Variants in LRRK2 observed in about 807,000 individuals in gnomAD.
LRRK2 encodes the protein leucine-rich repeat serine/threonine-protein kinase 2.
In LRRK2, 203 loss-of-function variants were observed where a neutral mutation model predicts 302.6. That is an observed-to-expected ratio of 0.67 (90% CI 0.60 to 0.75). LRRK2 has a LOEUF of 0.75. Among genes scored for constraint, LRRK2 ranks in the 30% least tolerant of loss-of-function variants. The probability of loss-of-function intolerance (pLI) is 0.00; values close to 1 mark genes in which losing one functional copy is unlikely to be tolerated. For synonymous variants in LRRK2, 1,066 were observed against 1,031.9 expected (o/e 1.03, Z -0.63); for missense variants, 2,830 against 2,951.0 (o/e 0.96, Z 0.95).
chr12:40,266,541 T>G lies in LRRK2; in HGVS notation c.1656+2640T>G, dbSNP rs1196964546. Among the ~76,000 whole-genome samples the G allele has an allele frequency of 5.9e-5, 9 of 152,254 alleles. No individual in the cohort carries two copies. In the South Asian group the frequency reaches 1.7e-3, roughly 28 times the overall value. ...GGATGTGGAGAAATAGGAACACTTTTACACTGTTGGTGGGACTGTAAACTA... is the reference window on the plus strand; with the variant it reads ...GGATGTGGAGAAATAGGAACACTTTGACACTGTTGGTGGGACTGTAAACTA... On this transcript the variant is annotated intron_variant, in intron 14 of 50. Coordinates refer to ENST00000298910, the MANE Select transcript of LRRK2 (RefSeq NM_198578.4).
intron 38 of LRRK2, among the ~76,000 whole-genome samples, chr12:40,323,709 C>T (rs915256917): frequency 6.6e-6 from 1 of 151,862 alleles, no homozygotes; most frequent in African/African-American, 2.4e-5. Context: ...TTTTATGACT[C>T]AGTGTGACAA....
At chr12:40,257,548 T>C (rs1448702633) in intron 12 of LRRK2, among the ~76,000 whole-genome samples, 171 bp downstream of exon 12, 1 of 152,202 alleles carries the variant, frequency 6.6e-6, no homozygotes, top group African/African-American at 2.4e-5. Flanking sequence ...ACTTACTTTA[T>C]CTGAACACTG....
chr12:40,295,076 T>C (rs1016784082), intron 22 of LRRK2, among the ~76,000 whole-genome samples, 162 bp downstream of exon 22: 4 of 152,092 alleles, frequency 2.6e-5, no homozygotes, highest in Admixed American at 1.3e-4. Context: ...TATAGAAAAA[T>C]GAAACATACA....
At chr12:40,238,770 G>A (rs575985751) in intron 5 of LRRK2, among the ~76,000 whole-genome samples, 1 of 152,188 alleles carries the variant, frequency 6.6e-6, no homozygotes, top group African/African-American at 2.4e-5. Context: ...AATGATTTAT[G>A]TGGGCCCTGT....
intron 2 of LRRK2, among the ~76,000 whole-genome samples, chr12:40,230,917 G>A (rs900802730): frequency 5.9e-5 from 9 of 151,926 alleles, no homozygotes; most frequent in South Asian, 4.2e-4. Flanking sequence ...ATTTTATTTC[G>A]AAATGTGAAA....
At chr12:40,275,766 A>G (rs1421234024) in intron 16 of LRRK2, among the ~76,000 whole-genome samples, 2 of 151,934 alleles carry the variant, frequency 1.3e-5, no homozygotes, top group Non-Finnish European at 2.9e-5. Context: ...ATGCACTCCC[A>G]TGCCTGGCTA....
intron 39 of LRRK2, among the ~76,000 whole-genome samples, chr12:40,329,265 T>C (rs1414448782): frequency 2.0e-5 from 3 of 152,234 alleles, no homozygotes; most frequent in Non-Finnish European, 4.4e-5. Context: ...CCTGATATAG[T>C]AACAATTATA....
intron 12 of LRRK2, among the ~76,000 whole-genome samples, chr12:40,257,812 A>G (rs997495298): frequency 2.6e-5 from 4 of 152,248 alleles, no homozygotes; most frequent in African/African-American, 9.6e-5. Context: ...TAGTTAGGGA[A>G]AATTTTAACT....
At chr12:40,319,421 G>C (rs1269862364) in intron 33 of LRRK2, among the ~76,000 whole-genome samples, 2 of 151,844 alleles carry the variant, frequency 1.3e-5, no homozygotes, top group Non-Finnish European at 2.9e-5. Context: ...TAGAAACATC[G>C]GGGTTGCTCT....
chr12:40,272,555 AT>A (rs1414741199), intron 14 of LRRK2, among the ~76,000 whole-genome samples: 1 of 152,124 alleles, frequency 6.6e-6, no homozygotes, highest in East Asian at 1.9e-4. Flanking sequence ...TGGCATCGTT[AT>A]TGTGGTCATT....
chr12:40,237,924 T>C (rs201205668), intron 4 of LRRK2, 45 bp from the exon 5 acceptor site: 22 of 1,585,608 alleles, frequency 1.4e-5, no homozygotes, highest in Non-Finnish European at 1.8e-5. Context: ...ACATTAAATG[T>C]TAAAGCAGCT....
chr12:40,246,089 A>C (rs954738696), intron 7 of LRRK2, among the ~76,000 whole-genome samples: 1 of 151,926 alleles, frequency 6.6e-6, no homozygotes, highest in Non-Finnish European at 1.5e-5. Flanking sequence ...GCATCTTACA[A>C]GGGTTTAAAC....
intron 46 of LRRK2, among the ~76,000 whole-genome samples, chr12:40,358,735 ATT>A (rs35500726): frequency 6.6e-6 from 1 of 151,818 alleles, no homozygotes; most frequent in Non-Finnish European, 1.5e-5. Context: ...AGTTTTAGAA[ATT>A]TTTTTTTCTA....
At position 40,305,819 on chromosome 12, in the gene LRRK2, CATCTCTGG is replaced by C; in HGVS notation, c.3815_3822del (p.Ser1272CysfsTer13). 1 of 1,613,638 alleles carries C rather than the reference CATCTCTGG, an allele frequency of 6.2e-7. No homozygotes were observed. Among genetic ancestry groups the C allele is most frequent in the Non-Finnish European group, 8.5e-7 (1 of 1,179,796 alleles). The stretch of plus-strand genomic sequence containing the variant: ...GAGATTGGCTGTCTTGAAAATCTGA[CATCTCTGG>C]ATGTCAGTTACAACTTGGAACTAAG... On this transcript the variant is annotated frameshift_variant, in exon 28 of 51. Coordinates refer to ENST00000298910, the MANE Select transcript of LRRK2 (RefSeq NM_198578.4). LOFTEE classifies it high-confidence loss of function.
rs1404500869 is a variant in LRRK2 at position 40,243,663 on chromosome 12, C to T, written c.820C>T (p.Leu274Phe). 1 of 1,611,472 alleles carries T rather than the reference C, an allele frequency of 6.2e-7. No homozygotes were observed. Among genetic ancestry groups the T allele is most frequent in the South Asian group, 1.1e-5 (1 of 91,052 alleles). ...AATTCAAGAAGTGAGTTGCTGTTTG[C>T]TCCATAGGCTTACATTAGGTGAGTT... The part of the protein sequence containing the change: ...ERIQEVSCCL[L>F]HRLTLGNFFN... Residue 274 changes from leucine to phenylalanine, a missense_variant, in exon 7 of 51, where the codon CTC (leucine) becomes TTC (phenylalanine). Around this residue, in one of 3 missense-constraint regions of LRRK2, gnomAD observed 2,121 missense variants for 2,148.0 expected, o/e 0.99. Transcript: ENST00000298910.
At chr12:40,289,523 T>C (rs890764125) in intron 20 of LRRK2, among the ~76,000 whole-genome samples, 1 of 149,020 alleles carries the variant, frequency 6.7e-6, no homozygotes, top group African/African-American at 2.4e-5. Context: ...TAATGTAATC[T>C]ATAATATATA....
chr12:40,251,582 T>A, intron 10 of LRRK2, 38 bp downstream of exon 10: 1 of 1,517,894 alleles, frequency 6.6e-7, no homozygotes, highest in Non-Finnish European at 9.1e-7. Flanking sequence ...AAAATTTCAG[T>A]TATATTTTAA....
Position 40,232,194 on chromosome 12 carries a change from T to C in LRRK2, c.238-80T>C, listed in dbSNP as rs573880966. 441 of 982,810 alleles carry C rather than the reference T, an allele frequency of 4.5e-4. 3 individuals are homozygous for C. Among genetic ancestry groups the C allele is most frequent in the Middle Eastern group, 3.1e-3 (15 of 4,796 alleles). The allele number at this position is 982,810 out of a possible 1,614,324, so 60.9% of individuals were successfully genotyped here. A position where few individuals can be genotyped will look rare whatever the true frequency, so the allele number is the denominator to read the frequency against. On this transcript the variant is annotated intron_variant, in intron 2 of 50. Coordinates refer to ENST00000298910, the MANE Select transcript of LRRK2 (RefSeq NM_198578.4). ...GAGATAAGCATCTATTCCACTAAGATTGAAGAGATTCATGTTTGACTGAGT... is the reference window on the plus strand; with the variant it reads ...GAGATAAGCATCTATTCCACTAAGACTGAAGAGATTCATGTTTGACTGAGT...
At chr12:40,225,480 C>G (rs775690182) in intron 1 of LRRK2, 75 bp from the exon 2 acceptor site, 385 of 1,390,532 alleles carry the variant, frequency 2.8e-4, no homozygotes, top group Non-Finnish European at 3.8e-4. Context: ...CTTTTCTCCC[C>G]GTTTCAGACT....
Sources: allele counts gnomAD v4.1 joint callset (sites outside exome capture counted in the v4.1 genomes callset), GRCh38; gene constraint gnomAD v4.1.1; regional missense constraint gnomAD v4.1.1; transcripts MANE v1.5; gene names NCBI Gene and HGNC (gene_info 2026-07-23, HGNC 2026-07-21).